Variants in CCSER2 observed in about 807,000 individuals in gnomAD.
The protein encoded by CCSER2 is serine-rich coiled-coil domain-containing protein 2.
In CCSER2, 46 loss-of-function variants were observed where a neutral mutation model predicts 92.3. That is an observed-to-expected ratio of 0.50 (90% confidence interval 0.39 to 0.64). The LOEUF is 0.64. Ranked by LOEUF, CCSER2 falls within the 30% of genes least tolerant of loss-of-function variation. The pLI is 0.00. For missense variants in CCSER2, 1,244 were observed against 1,238.9 expected, an observed-to-expected ratio of 1.00 and a Z score of -0.06; for synonymous variants, 433 against 431.4, an observed-to-expected ratio of 1.00 and a Z score of -0.04.
intron 9 of CCSER2, among the ~76,000 whole-genome samples, chr10:84,484,558 T>A (rs1018523735): frequency 6.6e-6 from 1 of 152,190 alleles, no homozygotes; most frequent in African/African-American, 2.4e-5. Context: ...TTTATTTGTA[T>A]TCACTATTAC....
At chr10:84,335,743 G>A (rs1360337673) in intron 1 of CCSER2, among the ~76,000 whole-genome samples, 2 of 152,116 alleles carry the variant, frequency 1.3e-5, no homozygotes, top group South Asian at 2.1e-4. Flanking sequence ...ATGATATTTC[G>A]TTGCAGCCTG....
At chr10:84,501,834 A>AAAAAAAAAAT (rs1167460274) in intron 9 of CCSER2, among the ~76,000 whole-genome samples, 1 of 40,152 alleles carries the variant, frequency 2.5e-5, no homozygotes, top group Non-Finnish European at 8.1e-5. Flanking sequence ...AAAAAAAAAA[A>AAAAAAAAAAT]ATATATATAT....
Position 84,411,533 on chromosome 10 carries a change from T to C in CCSER2, c.1615-6238T>C, listed in dbSNP as rs114512950. 9.0e-3 allele frequency among the ~76,000 whole-genome samples: 1,366 copies of C among 152,296 alleles called. 18 individuals carry two copies. Among genetic ancestry groups the C allele is most frequent in the African/African-American group, 0.031 (1,295 of 41,568 alleles). ...GAGGTTCTTTACTTCCATTGTTAGC[T>C]GTGTTAATACGTACGTATTCTCTTC... On this transcript the variant is annotated intron_variant, in intron 3 of 9. Coordinates refer to ENST00000372088, the MANE Select transcript of CCSER2 (RefSeq NM_001284240.2).
intron 3 of CCSER2, among the ~76,000 whole-genome samples, chr10:84,399,621 T>C (rs946321761): frequency 1.3e-5 from 2 of 152,184 alleles, no homozygotes; most frequent in African/African-American, 4.8e-5. Flanking sequence ...GAGAATTTGT[T>C]CCATTATTCT....
intron 7 of CCSER2, among the ~76,000 whole-genome samples, chr10:84,467,515 T>C (rs1478784231): frequency 6.6e-6 from 1 of 152,020 alleles, no homozygotes; most frequent in African/African-American, 2.4e-5. Flanking sequence ...GTCTTAAACA[T>C]TTTATTTATT....
intron 8 of CCSER2, chr10:84,473,269 G>A (rs1301723582): frequency 1.3e-5 from 2 of 152,108 alleles, no homozygotes; most frequent in South Asian, 2.1e-4. Context: ...TGCTTGGGAA[G>A]CTGTGGTGTA....
intron 1 of CCSER2, among the ~76,000 whole-genome samples, chr10:84,367,856 C>G (rs780565846): frequency 6.6e-6 from 1 of 152,038 alleles, no homozygotes; most frequent in Non-Finnish European, 1.5e-5. Flanking sequence ...TTCTGTGTTA[C>G]AAGAAACTGT....
Position 84,372,055 on chromosome 10 carries a change from A to G in CCSER2, c.1003A>G (p.Thr335Ala), listed in dbSNP as rs1846090520. The G allele has an allele frequency of 1.2e-6, 2 of 1,613,892 alleles. No individual in the cohort carries two copies. Among genetic ancestry groups the G allele is most frequent in the Admixed American group, 1.7e-5 (1 of 59,996 alleles). Residue 335 changes from threonine (T) to alanine (A), a missense_variant, in exon 2 of 10, where the codon ACA (threonine) becomes GCA (alanine). Coordinates refer to ENST00000372088, the MANE Select transcript of CCSER2 (RefSeq NM_001284240.2). ...SSRSPFSGTM[T>A]VDGNKNSPAD... Reference sequence around the variant, plus strand: ...CCGATCTCCATTTTCTGGGACTATGACAGTTGATGGAAATAAAAATTCACC... The same window carrying G: ...CCGATCTCCATTTTCTGGGACTATGGCAGTTGATGGAAATAAAAATTCACC...
chr10:84,497,714 C>G (rs1848525252), intron 9 of CCSER2, among the ~76,000 whole-genome samples: 2 of 152,104 alleles, frequency 1.3e-5, no homozygotes, highest in Admixed American at 6.6e-5. Flanking sequence ...TTTTAAAACT[C>G]CTGCGAACTT....
rs370446722 is a variant in CCSER2 at position 84,332,722 on chromosome 10, C to T, written c.-40+3914C>T. Among the ~76,000 whole-genome samples the T allele has an allele frequency of 7.3e-5, 11 of 151,692 alleles. 1 individual carries two copies. In the East Asian group the frequency reaches 7.7e-4, roughly 11 times the overall value. On this transcript the variant is annotated intron_variant, in intron 1 of 9. Coordinates refer to ENST00000372088, the MANE Select transcript of CCSER2 (RefSeq NM_001284240.2). ...ATCTCAGCACTTTGGGAGGGTGAGG[C>T]GGGAGAATCGCTTGAGCCTAGGAGT...
At chr10:84,468,565 A>G (rs1225293066) in intron 7 of CCSER2, among the ~76,000 whole-genome samples, 1 of 152,218 alleles carries the variant, frequency 6.6e-6, no homozygotes, top group Non-Finnish European at 1.5e-5. Context: ...CATGCTGGCT[A>G]TTAATGTTCT....
At chr10:84,513,177 A>G (rs958036573) in intron 9 of CCSER2, among the ~76,000 whole-genome samples, 2 of 152,174 alleles carry the variant, frequency 1.3e-5, no homozygotes, top group African/African-American at 2.4e-5. Flanking sequence ...AATTTTTTCT[A>G]TAATAAATTA....
At chr10:84,468,285 A>T (rs1304685749) in intron 7 of CCSER2, among the ~76,000 whole-genome samples, 1 of 152,106 alleles carries the variant, frequency 6.6e-6, no homozygotes, top group Non-Finnish European at 1.5e-5. Flanking sequence ...GTAGTCCCTC[A>T]TTTCTGATGT....
At chr10:84,467,492 T>TTGTATG (rs1443151052) in intron 7 of CCSER2, among the ~76,000 whole-genome samples, 1 of 151,978 alleles carries the variant, frequency 6.6e-6, no homozygotes, top group Non-Finnish European at 1.5e-5. Flanking sequence ...GTGTGTGTAT[T>TTGTATG]TGTATGTGAG....
chr10:84,430,398 A>T (rs1024879892), intron 5 of CCSER2, among the ~76,000 whole-genome samples: 3 of 152,024 alleles, frequency 2.0e-5, no homozygotes, highest in Admixed American at 6.6e-5. Flanking sequence ...TCCTTTTATG[A>T]TTTTTGGTCA....
At chr10:84,374,012 A>C in intron 3 of CCSER2, 197 bp downstream of exon 3, 1 of 1,166,998 alleles carries the variant, frequency 8.6e-7, no homozygotes, top group Non-Finnish European at 1.2e-6. Context: ...CATTTGACTT[A>C]AATATACTCA....
At chr10:84,506,130 A>G (rs1330435099) in intron 9 of CCSER2, among the ~76,000 whole-genome samples, 3 of 125,016 alleles carry the variant, frequency 2.4e-5, no homozygotes, top group Non-Finnish European at 5.4e-5. Flanking sequence ...CCTCTTAATC[A>G]CTTTGATACT....
chr10:84,351,068 A>T (rs938655529), intron 1 of CCSER2, among the ~76,000 whole-genome samples: 2 of 152,212 alleles, frequency 1.3e-5, no homozygotes, highest in Admixed American at 6.5e-5. Context: ...GAACTGTGGG[A>T]TATATTTATA....
At chr10:84,407,804 T>C (rs1487718997) in intron 3 of CCSER2, among the ~76,000 whole-genome samples, 1 of 152,238 alleles carries the variant, frequency 6.6e-6, no homozygotes, top group African/African-American at 2.4e-5. Context: ...TTATTGAGAA[T>C]GTTATTCTGG....
Sources: gnomAD v4.1 joint callset for allele counts (sites outside exome capture counted in the v4.1 genomes callset) on GRCh38, gnomAD v4.1.1 for gene constraint, MANE v1.5 for transcripts, NCBI Gene and HGNC (gene_info 2026-07-23, HGNC 2026-07-21) for gene names.